The following SLC39A11 variants were observed in gnomAD, a reference collection of about 807,000 sequenced individuals.
SLC39A11 encodes zinc transporter ZIP11.
Under a neutral mutation model 36.1 loss-of-function variants are expected in SLC39A11, and 33 were observed. That is an observed-to-expected ratio of 0.91 (90% confidence interval 0.69 to 1.22). The LOEUF (loss-of-function observed/expected upper bound fraction) is 1.22, where lower values mean the gene tolerates loss of function less well. SLC39A11 is among the 50% of genes most tolerant of loss of function. The pLI is 0.00. For synonymous variants in SLC39A11, 166 were observed against 170.3 expected (o/e 0.97, Z 0.20); for missense variants, 432 against 430.3 (o/e 1.00, Z -0.03).
chr17:72,874,783 G>T (rs2080810278), intron 5 of SLC39A11, among the ~76,000 whole-genome samples: 1 of 152,202 alleles, frequency 6.6e-6, no homozygotes, highest in Non-Finnish European at 1.5e-5. Flanking sequence ...GCCAGCAAAA[G>T]CCCATTCCCC....
At chr17:73,080,747 C>A (rs914331463) in intron 3 of SLC39A11, among the ~76,000 whole-genome samples, 2 of 151,908 alleles carry the variant, frequency 1.3e-5, no homozygotes, top group Non-Finnish European at 2.9e-5. Context: ...GCGTTTAAGA[C>A]CAGCCTGGCC....
chr17:72,824,147 G>T (rs948403948), intron 6 of SLC39A11, among the ~76,000 whole-genome samples: 23 of 151,206 alleles, frequency 1.5e-4, no homozygotes, highest in African/African-American at 5.6e-4. Context: ...GGAGGGGCCC[G>T]GTGGGAGGTG....
chr17:72,782,349 C>T (rs749075509), intron 6 of SLC39A11, among the ~76,000 whole-genome samples: 9 of 152,134 alleles, frequency 5.9e-5, no homozygotes, highest in Non-Finnish European at 1.3e-4. Context: ...GGGTCTTTCA[C>T]CTCCAGAACT....
intron 3 of SLC39A11, among the ~76,000 whole-genome samples, chr17:73,056,245 T>C (rs1040603018): frequency 2.0e-5 from 3 of 151,982 alleles, no homozygotes; most frequent in African/African-American, 7.2e-5. Context: ...CTTGGCTCAA[T>C]GTAACCTCCA....
chr17:72,950,557 A>G (rs2085787405), intron 4 of SLC39A11, among the ~76,000 whole-genome samples: 1 of 152,194 alleles, frequency 6.6e-6, no homozygotes. Context: ...ACATCCGAGG[A>G]ATCACTGCAG....
chr17:72,816,584 T>C (rs2077591995), intron 6 of SLC39A11, among the ~76,000 whole-genome samples: 1 of 152,130 alleles, frequency 6.6e-6, no homozygotes, highest in South Asian at 2.1e-4. Context: ...GTGATCCAGA[T>C]TTGCAGAGGT....
At chr17:72,769,252 G>A (rs891973674) in intron 6 of SLC39A11, among the ~76,000 whole-genome samples, 12 of 152,100 alleles carry the variant, frequency 7.9e-5, no homozygotes, top group Non-Finnish European at 7.3e-5. Context: ...CCCTTCCACG[G>A]CACTCATCTT....
intron 6 of SLC39A11, among the ~76,000 whole-genome samples, chr17:72,838,373 C>A (rs148101716): frequency 6.6e-6 from 1 of 151,840 alleles, no homozygotes; most frequent in Admixed American, 6.6e-5. Flanking sequence ...GGACCACAAG[C>A]GTGCACCACC....
chr17:72,650,815 C>T (rs1339667528), intron 7 of SLC39A11, among the ~76,000 whole-genome samples: 1 of 152,276 alleles, frequency 6.6e-6, no homozygotes, highest in Non-Finnish European at 1.5e-5. Context: ...AGACTGGTAG[C>T]TGGGACCCCT....
chr17:72,731,642 C>G (rs1473351191), intron 7 of SLC39A11, among the ~76,000 whole-genome samples: 1 of 152,082 alleles, frequency 6.6e-6, no homozygotes, highest in Non-Finnish European at 1.5e-5. Context: ...CTCAGTTTCC[C>G]CTATCGCTAG....
intron 6 of SLC39A11, among the ~76,000 whole-genome samples, chr17:72,791,643 A>C (rs1371081514): frequency 2.6e-5 from 4 of 152,144 alleles, no homozygotes; most frequent in African/African-American, 9.7e-5. Context: ...CTGTGTCCCC[A>C]CCCAAATCTC....
intron 7 of SLC39A11, among the ~76,000 whole-genome samples, chr17:72,707,876 C>A (rs748254201): frequency 9.2e-5 from 14 of 152,176 alleles, no homozygotes; most frequent in African/African-American, 1.4e-4. Flanking sequence ...CAAAGGACAA[C>A]CAGTTTAAAC....
chr17:72,869,425 T>C (rs148156955), intron 5 of SLC39A11, among the ~76,000 whole-genome samples: 199 of 152,366 alleles, frequency 1.3e-3, no homozygotes, highest in Non-Finnish European at 2.3e-3. Context: ...GTTTCGCTCT[T>C]GTTGCCTAGG....
intron 4 of SLC39A11, among the ~76,000 whole-genome samples, chr17:72,970,767 C>T (rs764604509): frequency 2.6e-4 from 39 of 152,252 alleles, no homozygotes; most frequent in Non-Finnish European, 4.7e-4. Context: ...CCTTGGGTTT[C>T]TAACAGCCCC....
intron 4 of SLC39A11, among the ~76,000 whole-genome samples, chr17:72,982,594 T>C (rs1375922363): frequency 6.6e-6 from 1 of 152,186 alleles, no homozygotes; most frequent in Non-Finnish European, 1.5e-5. Flanking sequence ...TCATTTACAA[T>C]CTTCAGATTT....
intron 6 of SLC39A11, among the ~76,000 whole-genome samples, chr17:72,800,941 T>C (rs987791477): frequency 2.0e-5 from 3 of 152,200 alleles, no homozygotes; most frequent in Non-Finnish European, 4.4e-5. Flanking sequence ...TGCTTAAAAC[T>C]AATGTGCCAT....
intron 6 of SLC39A11, among the ~76,000 whole-genome samples, chr17:72,808,052 A>G (rs1017203194): frequency 6.6e-6 from 1 of 152,212 alleles, no homozygotes; most frequent in Non-Finnish European, 1.5e-5. Context: ...TTACAGGAAA[A>G]AAAAAAAATA....
intron 6 of SLC39A11, among the ~76,000 whole-genome samples, chr17:72,841,560 C>T (rs990530881): frequency 5.3e-5 from 8 of 151,548 alleles, no homozygotes; most frequent in Non-Finnish European, 7.4e-5. Context: ...GAAGGGCAGT[C>T]GGGGAGTCGG....
intron 6 of SLC39A11, among the ~76,000 whole-genome samples, chr17:72,843,884 G>A (rs2145903482): frequency 6.6e-6 from 1 of 152,236 alleles, no homozygotes; most frequent in African/African-American, 2.4e-5. Context: ...ATGCCTTCGG[G>A]TGTGGCCTCA....
Sources: allele counts gnomAD v4.1 joint callset (sites outside exome capture counted in the v4.1 genomes callset), GRCh38; gene constraint gnomAD v4.1.1; transcripts MANE v1.5; gene names NCBI Gene and HGNC (gene_info 2026-07-23, HGNC 2026-07-21).